UHRF2: variants seen among roughly 807,000 people sequenced by gnomAD.
The protein encoded by UHRF2 is E3 ubiquitin-protein ligase UHRF2.
Under a neutral mutation model 96.8 loss-of-function variants are expected in UHRF2, and 23 were observed. That is an observed-to-expected ratio of 0.24 (90% CI 0.17 to 0.34). The LOEUF is 0.34. Ranked by LOEUF, UHRF2 falls within the 10% of genes least tolerant of loss-of-function variation. UHRF2 has a pLI of 1.00. For missense variants in UHRF2, 685 were observed against 981.5 expected (o/e 0.70, Z 4.04); for synonymous variants, 385 against 332.6 (o/e 1.16, Z -1.72).
intron 6 of UHRF2, among the ~76,000 whole-genome samples, chr9:6,480,679 C>T (rs563518365): frequency 6.6e-6 from 1 of 152,182 alleles, no homozygotes; most frequent in South Asian, 2.1e-4. Context: ...AAAGATGAGC[C>T]CATCAGATAA....
chr9:6,420,987 C>T lies in UHRF2; in HGVS notation c.229C>T (p.Pro77Ser). Reference sequence around the variant, plus strand: ...AATTCAGCTGCTAGTTCGCCCAGACCCTGATCATCTTCCTGGCACATCTAC... The same window carrying T: ...AATTCAGCTGCTAGTTCGCCCAGACTCTGATCATCTTCCTGGCACATCTAC... Reference protein sequence around the residue: ...DIIQLLVRPDPDHLPGTSTQI... With the variant: ...DIIQLLVRPDSDHLPGTSTQI... The change falls in exon 2 of 16, where the codon CCT (proline) becomes TCT (serine). Residue 77 changes from proline to serine, a missense_variant. Transcript: ENST00000276893. The T allele has an allele frequency of 1.2e-6, 2 of 1,613,322 alleles. No individual in the cohort carries two copies. Among genetic ancestry groups the T allele is most frequent in the South Asian group, 1.1e-5 (1 of 90,996 alleles).
intron 4 of UHRF2, among the ~76,000 whole-genome samples, chr9:6,464,929 T>G (rs1587833111): frequency 1.3e-5 from 2 of 152,200 alleles, no homozygotes; most frequent in African/African-American, 4.8e-5. Context: ...CAAGTATCCT[T>G]TGATCTTGGA....
chr9:6,479,625 T>A (rs1171464934), intron 6 of UHRF2, among the ~76,000 whole-genome samples: 1 of 152,206 alleles, frequency 6.6e-6, no homozygotes, highest in Non-Finnish European at 1.5e-5. Context: ...TTTATATTCC[T>A]GTATGCAGTT....
chr9:6,428,177 A>G (rs1011467810), intron 2 of UHRF2, among the ~76,000 whole-genome samples: 11 of 152,222 alleles, frequency 7.2e-5, no homozygotes, highest in African/African-American at 2.4e-4. Flanking sequence ...TATCATTGAT[A>G]ACTTCTTATT....
intron 12 of UHRF2, chr9:6,498,619 CT>C (rs1305174400): frequency 1.3e-5 from 2 of 155,022 alleles, no homozygotes; most frequent in East Asian, 3.8e-4. Flanking sequence ...AGCTGCTTCC[CT>C]GCCCTGCCAC....
intron 8 of UHRF2, among the ~76,000 whole-genome samples, chr9:6,483,416 C>G (rs1203710266): frequency 6.6e-6 from 1 of 151,438 alleles, no homozygotes; most frequent in Non-Finnish European, 1.5e-5. Flanking sequence ...TAAATCACCT[C>G]TAGATTACCT....
chr9:6,469,694 G>GTATATATATA (rs1823107306), intron 4 of UHRF2, among the ~76,000 whole-genome samples: 5 of 147,302 alleles, frequency 3.4e-5, no homozygotes, highest in African/African-American at 1.3e-4. Context: ...ATATATACAC[G>GTATATATATA]TATATACATA....
chr9:6,499,787 T>G (rs1224994815), intron 12 of UHRF2, 48 bp from the exon 13 acceptor site: 4 of 1,274,416 alleles, frequency 3.1e-6, no homozygotes, highest in Non-Finnish European at 4.3e-6. Flanking sequence ...CCCCCTTCTC[T>G]GTGAAGCTTA....
chr9:6,461,648 A>C (rs974121418), intron 4 of UHRF2, among the ~76,000 whole-genome samples: 1 of 152,158 alleles, frequency 6.6e-6, no homozygotes, highest in East Asian at 1.9e-4. Flanking sequence ...TTGGGATTAC[A>C]GGTATGAGCC....
At chr9:6,493,031 G>C (rs1474811102) in intron 9 of UHRF2, among the ~76,000 whole-genome samples, 2 of 151,976 alleles carry the variant, frequency 1.3e-5, no homozygotes, top group Admixed American at 1.3e-4. Context: ...GGCGCAGTGG[G>C]TCATGCCTGT....
intron 2 of UHRF2, among the ~76,000 whole-genome samples, chr9:6,427,851 C>G (rs1447966982): frequency 6.6e-6 from 1 of 152,202 alleles, no homozygotes; most frequent in Non-Finnish European, 1.5e-5. Flanking sequence ...TGTACAGAGG[C>G]TGGGTCCATC....
At chr9:6,451,670 A>G (rs1182094348) in intron 3 of UHRF2, among the ~76,000 whole-genome samples, 1 of 151,182 alleles carries the variant, frequency 6.6e-6, no homozygotes, top group East Asian at 2.0e-4. Flanking sequence ...ACGGGGTTTC[A>G]CCATGTTAGC....
chr9:6,473,889 C>G (rs181811892), intron 4 of UHRF2, among the ~76,000 whole-genome samples: 6 of 152,130 alleles, frequency 3.9e-5, no homozygotes. Context: ...ACTGTTTAAC[C>G]CATACTTTGG....
intron 3 of UHRF2, among the ~76,000 whole-genome samples, chr9:6,438,490 TTCTC>T (rs1820980837): frequency 6.6e-6 from 1 of 152,242 alleles, no homozygotes; most frequent in Non-Finnish European, 1.5e-5. Context: ...TTTATGGTAT[TTCTC>T]TCAAAGAACT....
intron 4 of UHRF2, among the ~76,000 whole-genome samples, chr9:6,469,140 G>T (rs145104485): frequency 9.3e-4 from 141 of 152,342 alleles, no homozygotes; most frequent in Middle Eastern, 6.8e-3. Context: ...GTGAATTTCA[G>T]CTGAGAATTG....
chr9:6,447,631 A>G (rs1821598474), intron 3 of UHRF2, among the ~76,000 whole-genome samples: 1 of 152,214 alleles, frequency 6.6e-6, no homozygotes, highest in Non-Finnish European at 1.5e-5. Flanking sequence ...ATGGCAGGTT[A>G]AGATACATGT....
At chr9:6,424,829 G>A (rs909950034) in intron 2 of UHRF2, among the ~76,000 whole-genome samples, 3 of 149,376 alleles carry the variant, frequency 2.0e-5, no homozygotes, top group African/African-American at 7.4e-5. Flanking sequence ...CTCTGGTCAG[G>A]TATTTTGTAA....
At chr9:6,428,117 A>G (rs995250565) in intron 2 of UHRF2, among the ~76,000 whole-genome samples, 3 of 152,180 alleles carry the variant, frequency 2.0e-5, no homozygotes, top group Non-Finnish European at 4.4e-5. Flanking sequence ...AACTTCTTAC[A>G]TGTTTTCTTA....
At chr9:6,427,581 A>C (rs1820329517) in intron 2 of UHRF2, among the ~76,000 whole-genome samples, 1 of 152,146 alleles carries the variant, frequency 6.6e-6, no homozygotes, top group Non-Finnish European at 1.5e-5. Context: ...GCTACTTGGG[A>C]GGCTGAGACG....
Sources: allele counts gnomAD v4.1 joint callset (sites outside exome capture counted in the v4.1 genomes callset), GRCh38; gene constraint gnomAD v4.1.1; transcripts MANE v1.5; gene names NCBI Gene and HGNC (gene_info 2026-07-23, HGNC 2026-07-21).